Variants in PCNX1 observed in about 807,000 individuals in gnomAD.
PCNX1 encodes the protein pecanex-like protein 1.
A neutral mutation model predicts 242.2 loss-of-function variants in PCNX1; 78 were observed. That is an observed-to-expected ratio of 0.32 (90% CI 0.27 to 0.39). The LOEUF (loss-of-function observed/expected upper bound fraction) is 0.39. PCNX1 is among the 10% of genes least tolerant of loss of function. PCNX1 has a pLI of 1.00. For synonymous variants in PCNX1, 1,024 were observed against 1,032.9 expected (o/e 0.99, Z 0.17); for missense variants, 2,581 against 2,856.5 (o/e 0.90, Z 2.20).
At chr14:71,107,581 GAA>G (rs923131196) in intron 33 of PCNX1, among the ~76,000 whole-genome samples, 3 of 152,088 alleles carry the variant, frequency 2.0e-5, no homozygotes, top group African/African-American at 7.2e-5. Context: ...TATGAGTCAA[GAA>G]AAAGACAAGT....
At chr14:70,991,976 G>A (rs1424679827) in intron 7 of PCNX1, among the ~76,000 whole-genome samples, 4 of 151,892 alleles carry the variant, frequency 2.6e-5, no homozygotes, top group Non-Finnish European at 5.9e-5. Context: ...CCAAGGATTG[G>A]GAGTGAATTA....
At position 70,932,842 on chromosome 14, in the gene PCNX1, C is replaced by T. The variant is rs535844717; in HGVS notation, c.154-14073C>T. ...GGTCAGGCTGGTCTCGAACTCCCGACCTCAGGTGATCCGCCTGCCTCGGCC... is the reference window on the plus strand; with the variant it reads ...GGTCAGGCTGGTCTCGAACTCCCGATCTCAGGTGATCCGCCTGCCTCGGCC... On this transcript the variant is annotated intron_variant, in intron 1 of 35. Transcript: ENST00000304743. 3.6e-3 allele frequency among the ~76,000 whole-genome samples: 554 copies of T among 152,168 alleles called. 1 individual carries two copies. The highest frequency in any genetic ancestry group is 0.013 in the African/African-American group (537 of 41,534).
intron 33 of PCNX1, 81 bp from the exon 34 acceptor site, chr14:71,108,523 A>T (rs747272950): frequency 1.1e-5 from 13 of 1,139,650 alleles, no homozygotes; most frequent in African/African-American, 1.5e-5. Context: ...GCTTAGGGGA[A>T]AAAGTCTTAG....
rs2062576091 is a variant in PCNX1, at chr14:71,105,136, TTAG to T, written c.6096-95_6096-93del. On this transcript the variant is annotated intron_variant, in intron 32 of 35. Transcript: ENST00000304743. ...CCATAAAGACTTTAAAAGGTGAACA[TTAG>T]TAGCATTTGCAGTTCAGAATAGCTG... is the stretch of plus-strand genomic sequence containing the variant. The T allele has an allele frequency of 6.0e-6, 5 of 837,918 alleles. No homozygotes were observed. In the Admixed American group the frequency reaches 6.6e-5, roughly 11 times the overall value. The allele number at this position is 837,918 out of a possible 1,614,324, so 51.9% of individuals were successfully genotyped here.
At chr14:71,027,013 G>A in intron 15 of PCNX1, 131 bp downstream of exon 15, 1 of 496,532 alleles carries the variant, frequency 2.0e-6, no homozygotes. Flanking sequence ...AAGACATTAA[G>A]TGATTGAAGA....
At chr14:71,103,010 T>C (rs2062505732) in intron 31 of PCNX1, among the ~76,000 whole-genome samples, 1 of 152,226 alleles carries the variant, frequency 6.6e-6, no homozygotes, top group African/African-American at 2.4e-5. Flanking sequence ...TATAGTTATT[T>C]TTTAAATTCA....
chr14:70,965,636 C>T (rs1410222051), intron 3 of PCNX1, among the ~76,000 whole-genome samples: 38 of 131,284 alleles, frequency 2.9e-4, no homozygotes, highest in Non-Finnish European at 1.5e-5. Flanking sequence ...GCACTCCAGC[C>T]TGGGCAACAG....
chr14:70,926,717 A>G (rs2140130862), intron 1 of PCNX1, among the ~76,000 whole-genome samples: 1 of 152,270 alleles, frequency 6.6e-6, no homozygotes, highest in South Asian at 2.1e-4. Context: ...TGTTACCCTC[A>G]AGGGGGCAGA....
At chr14:71,007,862 G>A (rs189651446) in intron 8 of PCNX1, among the ~76,000 whole-genome samples, 1,587 of 151,846 alleles carry the variant, frequency 0.01, 26 homozygotes, top group African/African-American at 0.03. Flanking sequence ...ATACATCTAT[G>A]AAGTAGCCAA....
intron 30 of PCNX1, 23 bp from the exon 31 acceptor site, chr14:71,101,967 T>G (rs776067874): frequency 6.8e-6 from 9 of 1,331,854 alleles, no homozygotes; most frequent in Admixed American, 6.7e-5. Flanking sequence ...CTTTAAAAAT[T>G]TATATATTAT....
At chr14:71,028,301 A>C (rs1007927005) in intron 15 of PCNX1, among the ~76,000 whole-genome samples, 2 of 152,002 alleles carry the variant, frequency 1.3e-5, no homozygotes, top group African/African-American at 2.4e-5. Flanking sequence ...GGGGTAACAC[A>C]GGTTCTGTTT....
chr14:71,004,659 A>G (rs2059603413), intron 8 of PCNX1, among the ~76,000 whole-genome samples: 1 of 152,174 alleles, frequency 6.6e-6, no homozygotes, highest in East Asian at 1.9e-4. Flanking sequence ...TTAACCAGTA[A>G]GCAGCAATAT....
Position 70,994,412 on chromosome 14 carries a change from T to TAG in PCNX1, c.2445-1328_2445-1327insGA, listed in dbSNP as rs1566672945. Among the ~76,000 whole-genome samples the TAG allele has an allele frequency of 7.0e-5, 9 of 128,032 alleles. 1 individual carries two copies. Among genetic ancestry groups the TAG allele is most frequent in the Non-Finnish European group, 1.5e-4 (9 of 60,180 alleles). The allele number at this position is 128,032 out of a possible 152,430, so 84.0% of individuals were successfully genotyped here. Reference sequence around the variant, plus strand: ...CAGGCTTAAGATATATATATATATATATATATATATATATATATGTATGTA... The same window carrying TAG: ...CAGGCTTAAGATATATATATATATATAGATATATATATATATATATGTATGTA... On this transcript the variant is annotated intron_variant, in intron 7 of 35. Coordinates refer to ENST00000304743, the MANE Select transcript of PCNX1 (RefSeq NM_014982.3).
chr14:70,988,939 A>G (rs2059077684), intron 7 of PCNX1, among the ~76,000 whole-genome samples: 1 of 150,618 alleles, frequency 6.6e-6, no homozygotes, highest in African/African-American at 2.4e-5. Context: ...ATTTTAAATC[A>G]CTTGAGGGCA....
At chr14:71,012,227 GT>G (rs1212774414) in intron 10 of PCNX1, 1 of 152,616 alleles carries the variant, frequency 6.6e-6, no homozygotes, top group African/African-American at 2.4e-5. Context: ...AGAAATGAGA[GT>G]TGCTGCCATC....
Position 71,102,221 on chromosome 14 carries a change from G to C in PCNX1, c.5820+1G>C, listed in dbSNP as rs1555379991. The C allele has an allele frequency of 6.2e-7, 1 of 1,600,586 alleles. No individual in the cohort carries two copies. Among genetic ancestry groups the C allele is most frequent in the African/African-American group, 1.3e-5 (1 of 74,756 alleles). ...CTACCTGAGCTTCAGGGTCATTAAA[G>C]TAAGTGTTTGAGGTATTTATTTGGT... On this transcript the variant is annotated splice_donor_variant, in intron 31 of 35. Transcript: ENST00000304743. LOFTEE classifies it high-confidence loss of function.
intron 19 of PCNX1, among the ~76,000 whole-genome samples, chr14:71,041,673 T>A (rs1005975153): frequency 3.3e-5 from 5 of 152,222 alleles, no homozygotes; most frequent in African/African-American, 1.2e-4. Flanking sequence ...TATTGTTTGT[T>A]CATTTTAATT....
intron 1 of PCNX1, among the ~76,000 whole-genome samples, chr14:70,945,683 T>G (rs1428987575): frequency 6.6e-6 from 1 of 152,064 alleles, no homozygotes; most frequent in African/African-American, 2.4e-5. Context: ...CTTTTTTTTT[T>G]TTGAAATGGA....
At chr14:70,918,497 T>C (rs2056239365) in intron 1 of PCNX1, among the ~76,000 whole-genome samples, 2 of 152,216 alleles carry the variant, frequency 1.3e-5, no homozygotes, top group African/African-American at 4.8e-5. Context: ...TACAGATCAC[T>C]GTAACAGATA....
Sources: gnomAD v4.1 joint callset for allele counts (sites outside exome capture counted in the v4.1 genomes callset) on GRCh38, gnomAD v4.1.1 for gene constraint, MANE v1.5 for transcripts, NCBI Gene and HGNC (gene_info 2026-07-23, HGNC 2026-07-21) for gene names.